Variants in RBM46 observed in about 807,000 individuals in gnomAD.
RBM46 encodes the protein RNA binding motif protein 46, also known as probable RNA-binding protein 46.
A neutral mutation model predicts 43.3 loss-of-function variants in RBM46; 12 were observed. That is an observed-to-expected ratio of 0.28 (90% confidence interval 0.18 to 0.45). RBM46 has a LOEUF of 0.45. RBM46 is among the 20% of genes least tolerant of loss of function. The pLI is 1.00. For synonymous variants in RBM46, 205 were observed against 207.6 expected (o/e 0.99, Z 0.11); for missense variants, 412 against 639.1 (o/e 0.64, Z 3.83).
At chr4:154,789,474 G>A (rs1276774271) in intron 1 of RBM46, among the ~76,000 whole-genome samples, 1 of 152,128 alleles carries the variant, frequency 6.6e-6, no homozygotes, top group Admixed American at 6.6e-5. Flanking sequence ...GATGGGTTAC[G>A]TTTATTGATT....
chr4:154,819,392 A>T (rs1735619180), intron 4 of RBM46, among the ~76,000 whole-genome samples: 1 of 152,030 alleles, frequency 6.6e-6, no homozygotes, highest in African/African-American at 2.4e-5. Flanking sequence ...GTTAATTCCC[A>T]AGAGGGAGCT....
chr4:154,787,931 C>T (rs1306644018), intron 1 of RBM46, among the ~76,000 whole-genome samples: 2 of 152,148 alleles, frequency 1.3e-5, no homozygotes, highest in South Asian at 2.1e-4. Flanking sequence ...TCTCTGATGG[C>T]CAGTGATGAT....
At chr4:154,796,951 T>G in intron 2 of RBM46, 48 bp downstream of exon 2, 2 of 1,520,170 alleles carry the variant, frequency 1.3e-6, no homozygotes, top group Middle Eastern at 1.7e-4. Flanking sequence ...AACCTCGTCA[T>G]GTAGATTAGA....
intron 1 of RBM46, among the ~76,000 whole-genome samples, chr4:154,795,742 G>A (rs1372404616): frequency 1.3e-5 from 2 of 152,134 alleles, no homozygotes; most frequent in East Asian, 1.9e-4. Context: ...ATAGCATTAT[G>A]GAGATTTTGA....
chr4:154,808,973 T>C (rs2111172097), intron 4 of RBM46, among the ~76,000 whole-genome samples: 1 of 151,998 alleles, frequency 6.6e-6, no homozygotes, highest in East Asian at 1.9e-4. Flanking sequence ...GCTTTCACTG[T>C]GAAGGCACTC....
chr4:154,787,951 T>G (rs1403715041), intron 1 of RBM46, among the ~76,000 whole-genome samples: 2 of 152,224 alleles, frequency 1.3e-5, no homozygotes, highest in South Asian at 2.1e-4. Flanking sequence ...TGAGCATTTT[T>G]TCATGTGTCT....
intron 4 of RBM46, 163 bp from the exon 5 acceptor site, chr4:154,827,705 A>C (rs1736030613): frequency 6.9e-7 from 1 of 1,446,322 alleles, no homozygotes; most frequent in Non-Finnish European, 9.1e-7. Context: ...TTTGCAGTGC[A>C]GTGAATGCTG....
At chr4:154,827,234 T>C in intron 4 of RBM46, 12 of 914,838 alleles carry the variant, frequency 1.3e-5, no homozygotes, top group Non-Finnish European at 1.6e-5. Flanking sequence ...TAATGGTTTT[T>C]TGAAGTAACT....
chr4:154,823,741 G>A (rs1487356879), intron 4 of RBM46, among the ~76,000 whole-genome samples: 4 of 151,940 alleles, frequency 2.6e-5, no homozygotes, highest in Non-Finnish European at 4.4e-5. Flanking sequence ...TCTTTGTGTT[G>A]AATACAGAAA....
chr4:154,782,634 C>G (rs567638164), intron 1 of RBM46, among the ~76,000 whole-genome samples: 27 of 152,210 alleles, frequency 1.8e-4, no homozygotes, highest in African/African-American at 6.5e-4. Flanking sequence ...TACAGGCGCG[C>G]GCCACCACGC....
intron 4 of RBM46, among the ~76,000 whole-genome samples, chr4:154,816,265 C>T (rs1735437623): frequency 6.6e-6 from 1 of 151,994 alleles, no homozygotes; most frequent in Non-Finnish European, 1.5e-5. Context: ...AACTTTATAT[C>T]CAAGACCAAA....
In RBM46 at chr4:154,799,272, C is replaced by T. The variant is rs770005694; in HGVS notation, c.1110C>T (p.Tyr370=). 5.1e-5 allele frequency: 83 copies of T among 1,614,048 alleles called. 1 individual carries two copies. The Middle Eastern group carries it at 4.8e-3, about 93-fold the overall frequency. Residue 370 remains tyrosine, a synonymous_variant, in exon 4 of 5, where the codon TAC becomes TAT. Transcript: ENST00000281722. The part of the protein sequence containing the change: ...PSPPEVERCT[Y]PFYPGTKLTP... ...CGCCTGAAGTTGAAAGATGCACTTA[C>T]CCTTTTTATCCTGGAACAAAGCTTA...
chr4:154,799,125 T>G lies in RBM46; in HGVS notation c.963T>G (p.Gly321=). 6.2e-7 allele frequency: 1 copy of G among 1,613,966 alleles called. No individual in the cohort carries two copies. The highest frequency in any genetic ancestry group is 1.1e-5 in the South Asian group (1 of 91,052). Residue 321 remains glycine, a synonymous_variant, in exon 4 of 5, where the codon GGT becomes GGG. Transcript: ENST00000281722. ...ACACTTGGAGACAGCATCTTAATGG[T>G]CAGATTAGTCCAAATTCTGAAAATC... The part of the protein sequence containing the change: ...KENTWRQHLN[G]QISPNSENLI...
intron 4 of RBM46, among the ~76,000 whole-genome samples, chr4:154,803,629 G>T (rs898374834): frequency 2.7e-4 from 41 of 150,094 alleles, no homozygotes; most frequent in Non-Finnish European, 4.9e-4. Flanking sequence ...CGTGAACCCG[G>T]GGGGCGGAGC....
intron 4 of RBM46, among the ~76,000 whole-genome samples, chr4:154,812,821 T>A (rs143349570): frequency 7.2e-5 from 11 of 152,328 alleles, no homozygotes; most frequent in African/African-American, 2.6e-4. Context: ...TTTGCCATGC[T>A]CATTGGTAGG....
intron 3 of RBM46, 29 bp from the exon 4 acceptor site, chr4:154,798,753 C>G (rs1196951338): frequency 1.5e-6 from 2 of 1,358,258 alleles, no homozygotes; most frequent in South Asian, 1.8e-5. Context: ...TATTTTAATT[C>G]TCTTCAAATT....
intron 4 of RBM46, among the ~76,000 whole-genome samples, chr4:154,824,607 C>G (rs569116334): frequency 6.6e-6 from 1 of 151,810 alleles, no homozygotes; most frequent in Non-Finnish European, 1.5e-5. Context: ...ACAATTATAC[C>G]GAAACAAGCT....
At chr4:154,799,682 A>G in intron 4 of RBM46, 118 bp downstream of exon 4, 1 of 638,842 alleles carries the variant, frequency 1.6e-6, no homozygotes, top group Non-Finnish European at 2.4e-6. Flanking sequence ...CATAAATTTT[A>G]TCTCAATTTT....
At chr4:154,802,718 GA>G (rs1439416340) in intron 4 of RBM46, among the ~76,000 whole-genome samples, 1 of 152,104 alleles carries the variant, frequency 6.6e-6, no homozygotes, top group Non-Finnish European at 1.5e-5. Context: ...AAGAATTTGA[GA>G]AGTCAAATTT....
Sources: allele counts gnomAD v4.1 joint callset (sites outside exome capture counted in the v4.1 genomes callset), GRCh38; gene constraint gnomAD v4.1.1; transcripts MANE v1.5; gene names NCBI Gene and HGNC (gene_info 2026-07-23, HGNC 2026-07-21).